MUC5AC: variants seen among roughly 807,000 people sequenced by gnomAD.
The protein encoded by MUC5AC is mucin-5AC.
In MUC5AC, 158 loss-of-function variants were observed where a neutral mutation model predicts 169.7. That is an observed-to-expected ratio of 0.93 (90% CI 0.82 to 1.06). MUC5AC has a LOEUF of 1.06. MUC5AC is among the 50% of genes least tolerant of loss of function. MUC5AC has a pLI of 0.00. For synonymous variants in MUC5AC, 1,975 were observed against 1,237.0 expected (o/e 1.60, Z -12.52); for missense variants, 4,359 against 3,089.9 (o/e 1.41, Z -9.74).
Position 1,189,177 on chromosome 11 carries a change from A to G in MUC5AC, c.11032A>G (p.Thr3678Ala), listed in dbSNP as rs1861022175. Reference protein sequence around the residue: ...TQTSTTSAPTTSTTPASIPST... With the variant: ...TQTSTTSAPTASTTPASIPST... ...GACCAGCACAACCTCTGCCCCTACA[A>G]CTAGCACAACCCCTGCTTCTATACC... Residue 3678 changes from threonine (T) to alanine (A), a missense_variant, in exon 31 of 49, where the codon ACT (threonine) becomes GCT (alanine). Coordinates refer to ENST00000621226, the MANE Select transcript of MUC5AC (RefSeq NM_001304359.2). 1 of 596,530 alleles carries G rather than the reference A, an allele frequency of 1.7e-6. No homozygotes were observed. Among genetic ancestry groups the G allele is most frequent in the Middle Eastern group, 2.6e-4 (1 of 3,894 alleles). The allele number at this position is 596,530 out of a possible 1,614,324, so 37.0% of individuals were successfully genotyped here.
At chr11:1,174,373 C>T in intron 16 of MUC5AC, 123 bp from the exon 17 acceptor site, 1 of 613,082 alleles carries the variant, frequency 1.6e-6, no homozygotes, top group Non-Finnish European at 2.9e-6. Context: ...ACAGAGGGGT[C>T]CTGGGGGCAG....
chr11:1,162,052 C>T lies in MUC5AC; in HGVS notation c.357C>T (p.Asn119=). 6.2e-7 allele frequency: 1 copy of T among 1,612,620 alleles called. No individual in the cohort carries two copies. Among genetic ancestry groups the T allele is most frequent in the South Asian group, 1.1e-5 (1 of 91,044 alleles). Residue 119 remains asparagine, a synonymous_variant, in exon 4 of 49, where the codon AAC becomes AAT. Transcript: ENST00000621226. ...GCGGTGCCGCCTACGAGGATTTTAACATCCAGCTACGCCGCAGCCAGGAGT... is the reference window on the plus strand; with the variant it reads ...GCGGTGCCGCCTACGAGGATTTTAATATCCAGCTACGCCGCAGCCAGGAGT... ...EHCGAAYEDF[N]IQLRRSQESA...
At chr11:1,195,579 G>T (rs1458275726) in intron 36 of MUC5AC, among the ~76,000 whole-genome samples, 2 of 152,098 alleles carry the variant, frequency 1.3e-5, no homozygotes, top group Non-Finnish European at 2.9e-5. Flanking sequence ...GTATGGACGG[G>T]GGCATCGGTC....
rs1164195285 is a variant in MUC5AC, at chr11:1,186,407, C to G, written c.8262C>G (p.Thr2754=). 1.4e-6 allele frequency: 1 copy of G among 705,374 alleles called. No individual in the cohort carries two copies. The allele number at this position is 705,374 out of a possible 1,614,324, so 43.7% of individuals were successfully genotyped here. A position where few individuals can be genotyped will look rare whatever the true frequency, so the allele number is the denominator to read the frequency against. The change falls in exon 31 of 49, where the codon ACC becomes ACG. Residue 2754 remains threonine (T), a synonymous_variant. Coordinates refer to ENST00000621226, the MANE Select transcript of MUC5AC (RefSeq NM_001304359.2). ...PTPRRTSAPT[T]STISASTTST... is the part of the protein sequence containing the mutation. Reference sequence around the variant, plus strand: ...CCAGAAGAACCTCAGCCCCTACAACCAGCACAATCTCTGCCTCTACCACCA... The same window carrying G: ...CCAGAAGAACCTCAGCCCCTACAACGAGCACAATCTCTGCCTCTACCACCA...
At chr11:1,180,266 G>A (rs1177031582) in intron 27 of MUC5AC, 88 bp from the exon 28 acceptor site, 21 of 398,528 alleles carry the variant, frequency 5.3e-5, no homozygotes, top group Non-Finnish European at 4.9e-5. Flanking sequence ...TGTCGGCGAG[G>A]CCCGCTGCTT....
rs1013143689 is a variant in MUC5AC, at chr11:1,177,496, G to A, written c.2950G>A (p.Gly984Arg). The A allele has an allele frequency of 7.0e-5, 28 of 398,668 alleles. No homozygotes were observed. Among genetic ancestry groups the A allele is most frequent in the Middle Eastern group, 6.2e-4 (1 of 1,616 alleles). The allele number at this position is 398,668 out of a possible 1,614,324, so 24.7% of individuals were successfully genotyped here. Residue 984 changes from glycine to arginine, a missense_variant, in exon 24 of 49, where the codon GGG (glycine) becomes AGG (arginine). Physicochemically the swap from Gly to Arg is moderately radical, Grantham distance 125. Transcript: ENST00000621226. ...KLSHGKVEVIGTDESQEVPYT... is the reference protein window; with the variant it reads ...KLSHGKVEVIRTDESQEVPYT... Reference sequence around the variant, plus strand: ...AAGCCATGGGAAGGTGGAGGTGATCGGGACGGACGAGAGCCAGGAGGTGCC... The same window carrying A: ...AAGCCATGGGAAGGTGGAGGTGATCAGGACGGACGAGAGCCAGGAGGTGCC...
At position 1,176,184 on chromosome 11, in the gene MUC5AC, G is replaced by A. The variant is rs1217113960; in HGVS notation, c.2435G>A (p.Arg812Gln). 5 of 398,578 alleles carry A rather than the reference G, an allele frequency of 1.3e-5. No individual in the cohort carries two copies. Among genetic ancestry groups the A allele is most frequent in the African/African-American group, 4.1e-5 (2 of 48,626 alleles). 24.7% of individuals were successfully genotyped at this position (398,578 alleles called of 1,614,324 possible). A position where few individuals can be genotyped will look rare whatever the true frequency, so the allele number is the denominator to read the frequency against. ...GCGCCCATGGTGTTCTTTGACTGCC[G>A]AAATGCCACGCCCGGGGACACAGGG... ...CAAPMVFFDC[R>Q]NATPGDTGAG... The change falls in exon 20 of 49, where the codon CGA (arginine) becomes CAA (glutamine). Residue 812 changes from arginine (R) to glutamine (Q), a missense_variant. Physicochemically the swap from Arg to Gln is conservative, Grantham distance 43. Coordinates refer to ENST00000621226, the MANE Select transcript of MUC5AC (RefSeq NM_001304359.2).
chr11:1,163,858 A>G (rs79676565), intron 6 of MUC5AC, 24 bp from the exon 7 acceptor site: 5 of 1,557,108 alleles, frequency 3.2e-6, no homozygotes, highest in Non-Finnish European at 4.4e-6. Flanking sequence ...CTGCAGGCAG[A>G]GCCCGCCTCT....
chr11:1,176,366 C>T (rs1254536916), intron 20 of MUC5AC, 115 bp downstream of exon 20: 10 of 398,662 alleles, frequency 2.5e-5, no homozygotes, highest in African/African-American at 1.8e-4. Flanking sequence ...CATGGGCTGC[C>T]CCACGTCCCA....
intron 24 of MUC5AC, among the ~76,000 whole-genome samples, chr11:1,178,132 G>C (rs1860729607): frequency 1.3e-5 from 2 of 152,360 alleles, no homozygotes; most frequent in East Asian, 3.9e-4. Context: ...CTCCCAGTGA[G>C]GTGCCATGCA....
chr11:1,185,106 A>G lies in MUC5AC; in HGVS notation c.6961A>G (p.Thr2321Ala). Residue 2321 changes from threonine to alanine, a missense_variant, in exon 31 of 49, where the codon ACA (threonine) becomes GCA (alanine). Transcript: ENST00000621226. Reference sequence around the variant, plus strand: ...TACCACCAGCACAATCTCTGCTCCTACAACTAGCATAACCTCTGCCCCTAC... The same window carrying G: ...TACCACCAGCACAATCTCTGCTCCTGCAACTAGCATAACCTCTGCCCCTAC... ...VPTTSTISAPTTSITSAPTTS... is the reference protein window; with the variant it reads ...VPTTSTISAPATSITSAPTTS... 1.4e-6 allele frequency: 1 copy of G among 714,358 alleles called. No homozygotes were observed. The highest frequency in any genetic ancestry group is 2.6e-6 in the Non-Finnish European group (1 of 390,860). The allele number at this position is 714,358 out of a possible 1,614,324, so 44.3% of individuals were successfully genotyped here. A position where few individuals can be genotyped will look rare whatever the true frequency, so the allele number is the denominator to read the frequency against.
chr11:1,161,606 C>T lies in MUC5AC; in HGVS notation c.211+20C>T, dbSNP rs1231731383. ...TACGAGGTGAGTGGAGCCCGGAGGC[C>T]TGGGTGGGGAAGGGTCATAGCTTTG... is the stretch of plus-strand genomic sequence containing the variant. On this transcript the variant is annotated intron_variant, in intron 3 of 48. Coordinates refer to ENST00000621226, the MANE Select transcript of MUC5AC (RefSeq NM_001304359.2). 1 of 1,605,562 alleles carries T rather than the reference C, an allele frequency of 6.2e-7. No homozygotes were observed. The highest frequency in any genetic ancestry group is 1.1e-5 in the South Asian group (1 of 90,518).
In MUC5AC at chr11:1,196,067, A is replaced by G; in HGVS notation, c.15637+13A>G. The G allele has an allele frequency of 6.6e-6, 5 of 761,644 alleles. No individual in the cohort carries two copies. Among genetic ancestry groups the G allele is most frequent in the Non-Finnish European group, 1.2e-5 (5 of 415,790 alleles). The allele number at this position is 761,644 out of a possible 1,614,324, so 47.2% of individuals were successfully genotyped here. On this transcript the variant is annotated intron_variant, in intron 37 of 48. Coordinates refer to ENST00000621226, the MANE Select transcript of MUC5AC (RefSeq NM_001304359.2). ...GGCCACATGTGCCGTGAGTGCCACCACTGTCCTCAGGGTCCCAAGTCGCTT... is the reference window on the plus strand; with the variant it reads ...GGCCACATGTGCCGTGAGTGCCACCGCTGTCCTCAGGGTCCCAAGTCGCTT...
In MUC5AC at chr11:1,187,516, C is replaced by A; in HGVS notation, c.9371C>A (p.Pro3124His). Reference protein sequence around the residue: ...ASKTSGLGTTPSPIPTTSTTS... With the variant: ...ASKTSGLGTTHSPIPTTSTTS... ...AAAACCTCTGGTCTTGGAACTACTC[C>A]CAGCCCTATTCCTACCACCAGCACA... The change falls in exon 31 of 49, where the codon CCC becomes CAC. Residue 3124 changes from proline to histidine, a missense_variant. Physicochemically the swap from Pro to His is moderately conservative, Grantham distance 77. Transcript: ENST00000621226. 1 of 745,054 alleles carries A rather than the reference C, an allele frequency of 1.3e-6. No homozygotes were observed. The highest frequency in any genetic ancestry group is 2.5e-6 in the Non-Finnish European group (1 of 408,048). 46.2% of individuals were successfully genotyped at this position (745,054 alleles called of 1,614,324 possible). A position where few individuals can be genotyped will look rare whatever the true frequency, so the allele number is the denominator to read the frequency against.
In MUC5AC at chr11:1,161,639, C is replaced by A. The variant is rs560634305; in HGVS notation, c.211+53C>A. The A allele has an allele frequency of 3.7e-5, 58 of 1,559,960 alleles. No homozygotes were observed. In the South Asian group the frequency reaches 5.9e-4, roughly 16 times the overall value. On this transcript the variant is annotated intron_variant, in intron 3 of 48. Coordinates refer to ENST00000621226, the MANE Select transcript of MUC5AC (RefSeq NM_001304359.2). Reference sequence around the variant, plus strand: ...GGAAGGGTCATAGCTTTGCTGAGCTCCCCGCTCAGGCCTGGAGGTGCCGGG... The same window carrying A: ...GGAAGGGTCATAGCTTTGCTGAGCTACCCGCTCAGGCCTGGAGGTGCCGGG...
chr11:1,198,242 G>A (rs903449848), intron 42 of MUC5AC, 26 bp from the exon 43 acceptor site: 2 of 745,164 alleles, frequency 2.7e-6, no homozygotes, highest in Admixed American at 1.8e-5. Flanking sequence ...GGCGGGGGGT[G>A]CAGCTGCTTG....
Position 1,194,680 on chromosome 11 carries a change from C to T in MUC5AC, c.15190+10C>T, listed in dbSNP as rs773861183. Reference sequence around the variant, plus strand: ...ACCGAGGGCCAGTGCGGTGAGGCCACAGGGCTCCCGGGCATCGTCTGGCAT... The same window carrying T: ...ACCGAGGGCCAGTGCGGTGAGGCCATAGGGCTCCCGGGCATCGTCTGGCAT... On this transcript the variant is annotated intron_variant, in intron 35 of 48. Coordinates refer to ENST00000621226, the MANE Select transcript of MUC5AC (RefSeq NM_001304359.2). 9 of 743,336 alleles carry T rather than the reference C, an allele frequency of 1.2e-5. No individual in the cohort carries two copies. Among genetic ancestry groups the T allele is most frequent in the South Asian group, 2.8e-5 (2 of 72,416 alleles). 46.0% of individuals were successfully genotyped at this position (743,336 alleles called of 1,614,324 possible).
chr11:1,177,104 G>C, intron 22 of MUC5AC, 38 bp downstream of exon 22: 2 of 398,614 alleles, frequency 5.0e-6, no homozygotes, highest in Non-Finnish European at 8.8e-6. Flanking sequence ...GGCGGCCCCC[G>C]TGGCCCGAAG....
At chr11:1,171,425 C>A (rs1295988552) in intron 15 of MUC5AC, among the ~76,000 whole-genome samples, 2 of 129,314 alleles carry the variant, frequency 1.5e-5, no homozygotes, top group Non-Finnish European at 3.3e-5. Context: ...CTCACTCACT[C>A]ACTCAACTTA....
Sources: allele counts gnomAD v4.1 joint callset (sites outside exome capture counted in the v4.1 genomes callset), GRCh38; gene constraint gnomAD v4.1.1; transcripts MANE v1.5; gene names NCBI Gene and HGNC (gene_info 2026-07-23, HGNC 2026-07-21).